COMMD7: variants seen among roughly 807,000 people sequenced by gnomAD.
COMMD7 encodes the protein COMM domain-containing protein 7.
A neutral mutation model predicts 34.8 loss-of-function variants in COMMD7; 28 were observed. That is an observed-to-expected ratio of 0.80 (90% CI 0.60 to 1.10). The LOEUF is 1.10. Ranked by LOEUF, COMMD7 falls within the 50% of genes least tolerant of loss-of-function variation. COMMD7 has a pLI of 0.00. For missense variants in COMMD7, 211 were observed against 241.6 expected, an observed-to-expected ratio of 0.87 and a Z score of 0.84; for synonymous variants, 80 against 86.4, an observed-to-expected ratio of 0.93 and a Z score of 0.41.
Position 32,723,063 on chromosome 20 carries a change from T to TAATAAA in COMMD7, c.241+4829_241+4830insTTTATT, listed in dbSNP as rs1985274615. ...AATAAATAAATAATAATAATAATAA[T>TAATAAA]AAAGACTTGTGATCCTCTCCCTCTC... On this transcript the variant is annotated intron_variant, in intron 3 of 8. Transcript: ENST00000278980. 2.7e-5 allele frequency among the ~76,000 whole-genome samples: 2 copies of TAATAAA among 73,602 alleles called. 1 individual carries two copies. The allele number at this position is 73,602 out of a possible 152,430, so 48.3% of individuals were successfully genotyped here.
At position 32,704,076 on chromosome 20, in the gene COMMD7, T is replaced by A; in HGVS notation, c.478-5A>T. 6.3e-7 allele frequency: 1 copy of A among 1,581,258 alleles called. No individual in the cohort carries two copies. The highest frequency in any genetic ancestry group is 8.6e-7 in the Non-Finnish European group (1 of 1,161,552). On this transcript the variant is annotated splice_region_variant and splice_polypyrimidine_tract_variant and intron_variant, in intron 7 of 8. Transcript: ENST00000278980. ...TTTCTTAACCACCAACTTTAGCTGATGAAAGAAAAAGAAATAATTTAAATT... is the reference window on the plus strand; with the variant it reads ...TTTCTTAACCACCAACTTTAGCTGAAGAAAGAAAAAGAAATAATTTAAATT...
intron 7 of COMMD7, 143 bp downstream of exon 7, chr20:32,704,297 C>T: frequency 2.5e-6 from 2 of 813,804 alleles, no homozygotes; most frequent in Admixed American, 2.9e-5. Context: ...TTAGTGACTA[C>T]ATCTTTAGCT....
chr20:32,732,667 C>T (rs919018001), intron 1 of COMMD7, among the ~76,000 whole-genome samples: 1 of 152,150 alleles, frequency 6.6e-6, no homozygotes, highest in Non-Finnish European at 1.5e-5. Flanking sequence ...TGGCTCAAGC[C>T]TGTAATCCCA....
intron 1 of COMMD7, among the ~76,000 whole-genome samples, chr20:32,738,326 C>T (rs559452246): frequency 3.9e-5 from 6 of 152,280 alleles, no homozygotes; most frequent in South Asian, 4.1e-4. Flanking sequence ...CGGTGGCTCA[C>T]GCCTATAATC....
chr20:32,711,266 A>G (rs1472063729), intron 3 of COMMD7, among the ~76,000 whole-genome samples: 1 of 151,654 alleles, frequency 6.6e-6, no homozygotes, highest in Non-Finnish European at 1.5e-5. Flanking sequence ...GCGTGGTGGC[A>G]CACGCCTGTA....
intron 1 of COMMD7, among the ~76,000 whole-genome samples, chr20:32,738,610 T>TG (rs1283729718): frequency 1.3e-5 from 2 of 152,154 alleles, no homozygotes; most frequent in East Asian, 1.9e-4. Context: ...TTCCTAGAGA[T>TG]GGGGTCTTGC....
chr20:32,728,134 T>C lies in COMMD7; in HGVS notation c.93A>G (p.Ser31=). Residue 31 remains serine, a synonymous_variant, in exon 2 of 9, where the codon TCA becomes TCG. Transcript: ENST00000278980. ...AGTGGAAAAGCACCTCTGTCAGGGCTGAGAACTGCTGTGAAGAAAACAACA... is the reference window on the plus strand; with the variant it reads ...AGTGGAAAAGCACCTCTGTCAGGGCCGAGAACTGCTGTGAAGAAAACAACA... ...QLNQLGAQQF[S]ALTEVLFHFL... 6.2e-7 allele frequency: 1 copy of C among 1,614,124 alleles called. No individual in the cohort carries two copies.
intron 3 of COMMD7, among the ~76,000 whole-genome samples, 197 bp downstream of exon 3, chr20:32,727,686 AGCTGTGCTGC>A (rs1462714253): frequency 1.2e-4 from 9 of 76,456 alleles, no homozygotes; most frequent in African/African-American, 3.7e-4. Flanking sequence ...TGAACTTTCC[AGCTGTGCTGC>A]ACCACAGCAC....
rs1986552756 is a variant in COMMD7 at position 32,743,414 on chromosome 20, G to T, written c.-23C>A. 5 of 1,329,514 alleles carry T rather than the reference G, an allele frequency of 3.8e-6. No individual in the cohort carries two copies. In the East Asian group the frequency reaches 1.3e-4, roughly 34 times the overall value. 82.4% of individuals were successfully genotyped at this position (1,329,514 alleles called of 1,614,324 possible). On this transcript the variant is annotated 5_prime_UTR_variant, in exon 1 of 9. Coordinates refer to ENST00000278980, the MANE Select transcript of COMMD7 (RefSeq NM_053041.3). ...CATGGCGCGCGCCCCAGCCCCGCAG[G>T]TTCCACCGCCGCCGCCGCCCTGCTC...
intron 3 of COMMD7, among the ~76,000 whole-genome samples, chr20:32,725,478 G>A (rs1363739079): frequency 1.4e-5 from 2 of 141,784 alleles, no homozygotes; most frequent in African/African-American, 2.7e-5. Context: ...GCCCAGGCTG[G>A]AGTGCAGTGG....
At chr20:32,740,418 T>C (rs926776940) in intron 1 of COMMD7, among the ~76,000 whole-genome samples, 2 of 152,160 alleles carry the variant, frequency 1.3e-5, no homozygotes, top group Non-Finnish European at 2.9e-5. Flanking sequence ...TCATTGATAT[T>C]TGTATATGGG....
intron 3 of COMMD7, among the ~76,000 whole-genome samples, chr20:32,722,246 G>GAGA (rs1985215514): frequency 8.1e-5 from 3 of 37,018 alleles, no homozygotes; most frequent in African/African-American, 3.8e-4. Context: ...ACTCTGTCTC[G>GAGA]AAAAAAAAAA....
At chr20:32,708,656 C>CTTT (rs34027862) in intron 3 of COMMD7, among the ~76,000 whole-genome samples, 84,984 of 135,248 alleles carry the variant, frequency 0.63, 28,163 homozygotes, top group Middle Eastern at 0.8. Flanking sequence ...ATTATTGTAA[C>CTTT]TTTTTTTTTT....
At chr20:32,742,784 A>G (rs1189231691) in intron 1 of COMMD7, among the ~76,000 whole-genome samples, 1 of 152,040 alleles carries the variant, frequency 6.6e-6, no homozygotes, top group Admixed American at 6.6e-5. Context: ...TCACACTGAG[A>G]TGTAAGACGG....
intron 1 of COMMD7, among the ~76,000 whole-genome samples, chr20:32,736,677 CA>C (rs1469521432): frequency 6.6e-6 from 1 of 151,258 alleles, no homozygotes; most frequent in Non-Finnish European, 1.5e-5. Context: ...CTCAAACAAA[CA>C]AACAAACAAA....
intron 1 of COMMD7, among the ~76,000 whole-genome samples, chr20:32,732,360 G>A (rs1985887302): frequency 6.6e-6 from 1 of 151,964 alleles, no homozygotes; most frequent in Non-Finnish European, 1.5e-5. Context: ...CTAAGAACTG[G>A]GATTATAGGT....
intron 1 of COMMD7, among the ~76,000 whole-genome samples, chr20:32,732,210 G>GA: frequency 6.6e-6 from 1 of 152,244 alleles, no homozygotes; most frequent in African/African-American, 2.4e-5. Context: ...TCAGTCTGCT[G>GA]AGTAGCTGAG....
At chr20:32,714,558 G>A (rs898619952) in intron 3 of COMMD7, among the ~76,000 whole-genome samples, 1 of 151,786 alleles carries the variant, frequency 6.6e-6, no homozygotes, top group Non-Finnish European at 1.5e-5. Flanking sequence ...AGGCACGGTG[G>A]CTCATACCTG....
intron 5 of COMMD7, among the ~76,000 whole-genome samples, chr20:32,705,396 T>C (rs1984020594): frequency 6.7e-6 from 1 of 148,688 alleles, no homozygotes; most frequent in East Asian, 2.0e-4. Context: ...TTCTTTGAGA[T>C]GGAGTCTCGC....
Sources: allele counts gnomAD v4.1 joint callset (sites outside exome capture counted in the v4.1 genomes callset), GRCh38; gene constraint gnomAD v4.1.1; transcripts MANE v1.5; gene names NCBI Gene and HGNC (gene_info 2026-07-23, HGNC 2026-07-21).